The following BNC1 variants were observed in gnomAD, a reference collection of about 807,000 sequenced individuals.
BNC1 encodes basonuclin zinc finger protein 1, also known as zinc finger protein basonuclin-1.
BNC1 carries 8 observed loss-of-function variants against 66.5 expected under a neutral mutation model. The observed-to-expected ratio is 0.12, with a 90% CI of 0.07 to 0.22. The LOEUF (loss-of-function observed/expected upper bound fraction) is 0.22, where lower values mean the gene tolerates loss of function less well. Among genes scored for constraint, BNC1 ranks in the 10% least tolerant of loss-of-function variants. The probability of loss-of-function intolerance (pLI) is 1.00; values close to 1 mark genes in which losing one functional copy is unlikely to be tolerated. For synonymous variants in BNC1, 454 were observed against 452.6 expected (o/e 1.00, Z -0.04); for missense variants, 1,069 against 1,241.3 (o/e 0.86, Z 2.09).
At position 83,257,312 on chromosome 15, in the gene BNC1, A is replaced by T; in HGVS notation, c.*130T>A. 1 of 1,094,826 alleles carries T rather than the reference A, an allele frequency of 9.1e-7. No individual in the cohort carries two copies. The allele number at this position is 1,094,826 out of a possible 1,614,324, so 67.8% of individuals were successfully genotyped here. A position where few individuals can be genotyped will look rare whatever the true frequency, so the allele number is the denominator to read the frequency against. ...TCTTTTGCTCATTGTGCTGTGGAAA[A>T]CTATAAAGTCAAATCAAATACTTTT... On this transcript the variant is annotated 3_prime_UTR_variant, in exon 5 of 5. Coordinates refer to ENST00000345382, the MANE Select transcript of BNC1 (RefSeq NM_001717.4).
chr15:83,265,049 A>C (rs1031670382), intron 3 of BNC1, among the ~76,000 whole-genome samples: 10 of 152,236 alleles, frequency 6.6e-5, no homozygotes, highest in African/African-American at 2.4e-4. Context: ...AAAAGAGACA[A>C]ATAAAACCAT....
At chr15:83,280,096 CTTT>C (rs1567196600) in intron 1 of BNC1, among the ~76,000 whole-genome samples, 1 of 152,068 alleles carries the variant, frequency 6.6e-6, no homozygotes, top group African/African-American at 2.4e-5. Flanking sequence ...AATGTCTGTG[CTTT>C]TTTTCTTAAA....
At position 83,283,863 on chromosome 15, in the gene BNC1, G is replaced by T. The variant is rs149197053; in HGVS notation, c.99+667C>A. Among the ~76,000 whole-genome samples, 1,328 of 152,318 alleles carry T rather than the reference G, an allele frequency of 8.7e-3. 23 individuals carry two copies. Among genetic ancestry groups the T allele is most frequent in the African/African-American group, 0.03 (1,260 of 41,586 alleles). Reference sequence around the variant, plus strand: ...TTCGGACCGGACCTGTCTAAATAGCGACTTTCAGTCGTGGGTTTTTTGTTC... The same window carrying T: ...TTCGGACCGGACCTGTCTAAATAGCTACTTTCAGTCGTGGGTTTTTTGTTC... On this transcript the variant is annotated intron_variant, in intron 1 of 4. Transcript: ENST00000345382.
chr15:83,262,833 G>A (rs1325174300), intron 4 of BNC1, 118 bp downstream of exon 4: 2 of 1,112,508 alleles, frequency 1.8e-6, no homozygotes, highest in East Asian at 2.6e-5. Context: ...TAATGAAGTG[G>A]AAATTCTAGG....
At chr15:83,278,714 T>C (rs988800172) in intron 1 of BNC1, among the ~76,000 whole-genome samples, 4 of 152,100 alleles carry the variant, frequency 2.6e-5, no homozygotes, top group Non-Finnish European at 2.9e-5. Flanking sequence ...TAATGAAAAA[T>C]AGGAGGCCAT....
intron 1 of BNC1, among the ~76,000 whole-genome samples, chr15:83,279,690 A>G (rs980536708): frequency 1.2e-4 from 19 of 152,192 alleles, no homozygotes; most frequent in Non-Finnish European, 1.5e-5. Flanking sequence ...GGTTCATAGG[A>G]TCATTGGCTT....
At chr15:83,277,268 G>A (rs1230732647) in intron 1 of BNC1, among the ~76,000 whole-genome samples, 3 of 152,022 alleles carry the variant, frequency 2.0e-5, no homozygotes, top group Non-Finnish European at 2.9e-5. Flanking sequence ...TTATAGAGAC[G>A]GGGGTCTCAC....
chr15:83,272,372 A>C (rs1352660002), intron 1 of BNC1, among the ~76,000 whole-genome samples: 1 of 148,028 alleles, frequency 6.8e-6, no homozygotes, highest in Non-Finnish European at 1.5e-5. Context: ...TTGGTATTAC[A>C]GGCATGCACC....
intron 2 of BNC1, among the ~76,000 whole-genome samples, chr15:83,267,542 C>G (rs1395303155): frequency 2.0e-5 from 3 of 152,020 alleles, no homozygotes; most frequent in Admixed American, 6.6e-5. Flanking sequence ...AGCCATCAGT[C>G]ACATATGGCT....
rs1056968764 is a variant in BNC1, at chr15:83,284,659, C to A, written c.-31G>T. ...CTCCGGCCGTCGGGGCGCGACCCGG[C>A]GAAGTGGGCGGCTCCCCAAGCGCCC... On this transcript the variant is annotated 5_prime_UTR_variant, in exon 1 of 5. Transcript: ENST00000345382. The A allele has an allele frequency of 5.2e-6, 5 of 957,856 alleles. No individual in the cohort carries two copies. Among genetic ancestry groups the A allele is most frequent in the Non-Finnish European group, 6.2e-6 (5 of 806,032 alleles). The allele number at this position is 957,856 out of a possible 1,614,324, so 59.3% of individuals were successfully genotyped here. A position where few individuals can be genotyped will look rare whatever the true frequency, so the allele number is the denominator to read the frequency against.
In BNC1 at chr15:83,263,321, TGATCAATGCTGGTGTCTGCTC is replaced by T; in HGVS notation, c.1909_1929del (p.Glu637_Ile643del). 2 of 1,614,226 alleles carry T rather than the reference TGATCAATGCTGGTGTCTGCTC, an allele frequency of 1.2e-6. No homozygotes were observed. Among genetic ancestry groups the T allele is most frequent in the Non-Finnish European group, 1.7e-6 (2 of 1,180,036 alleles). Reference sequence around the variant, plus strand: ...CCATCCTCGACCTCCCTTGGCACCATGATCAATGCTGGTGTCTGCTCAGTCTCCCTCTCTGAATTGTGTGTG... The same window carrying T: ...CCATCCTCGACCTCCCTTGGCACCATAGTCTCCCTCTCTGAATTGTGTGTG... On this transcript the variant is annotated inframe_deletion, in exon 4 of 5. Transcript: ENST00000345382.
intron 4 of BNC1, among the ~76,000 whole-genome samples, chr15:83,261,658 G>A (rs1032536626): frequency 6.6e-6 from 1 of 152,220 alleles, no homozygotes; most frequent in Non-Finnish European, 1.5e-5. Context: ...GCACAAGCAA[G>A]ACAGTAACAC....
intron 2 of BNC1, 30 bp from the exon 3 acceptor site, chr15:83,267,101 T>C (rs776754273): frequency 1.2e-5 from 19 of 1,567,778 alleles, no homozygotes; most frequent in Non-Finnish European, 1.6e-5. Context: ...AAATGTCATT[T>C]TGAAAAGTTC....
chr15:83,283,338 G>T, intron 1 of BNC1: 1 of 1,465,452 alleles, frequency 6.8e-7, no homozygotes, highest in Non-Finnish European at 9.0e-7. Context: ...GCGGCGGCGG[G>T]GCTCCGGGTC....
chr15:83,284,581 G>A lies in BNC1; in HGVS notation c.48C>T (p.Ala16=). 2 of 1,051,568 alleles carry A rather than the reference G, an allele frequency of 1.9e-6. No individual in the cohort carries two copies. The highest frequency in any genetic ancestry group is 2.3e-6 in the Non-Finnish European group (2 of 874,932). 65.1% of individuals were successfully genotyped at this position (1,051,568 alleles called of 1,614,324 possible). ...PSRGGRGAAR[A]RETRRQPRHR... The stretch of plus-strand genomic sequence containing the variant: ...GCCGGGGCTGCCGGCGCGTCTCCCG[G>A]GCCCGGGCCGCCCCGCGTCCGCCCC... The change falls in exon 1 of 5, where the codon GCC becomes GCT. Residue 16 remains alanine, a synonymous_variant. Coordinates refer to ENST00000345382, the MANE Select transcript of BNC1 (RefSeq NM_001717.4).
At chr15:83,269,200 G>A (rs571559017) in intron 1 of BNC1, among the ~76,000 whole-genome samples, 3 of 152,258 alleles carry the variant, frequency 2.0e-5, no homozygotes, top group Admixed American at 2.0e-4. Context: ...CTCCAGCCTG[G>A]GCGACAGAGC....
At chr15:83,270,243 CAG>C (rs1397654146) in intron 1 of BNC1, among the ~76,000 whole-genome samples, 32 of 152,316 alleles carry the variant, frequency 2.1e-4, no homozygotes, top group East Asian at 1.2e-3. Context: ...AGCATATTCA[CAG>C]AGTTATGCAA....
At chr15:83,272,153 C>A (rs1357322044) in intron 1 of BNC1, among the ~76,000 whole-genome samples, 1 of 152,164 alleles carries the variant, frequency 6.6e-6, no homozygotes, top group Non-Finnish European at 1.5e-5. Flanking sequence ...ATAAATATGA[C>A]CATTTTACAG....
intron 1 of BNC1, among the ~76,000 whole-genome samples, chr15:83,273,839 T>C (rs2038292604): frequency 6.6e-6 from 1 of 152,168 alleles, no homozygotes; most frequent in Non-Finnish European, 1.5e-5. Context: ...GCTAGGCACA[T>C]AGTTGGGTAT....
Sources: gnomAD v4.1 joint callset for allele counts (sites outside exome capture counted in the v4.1 genomes callset) on GRCh38, gnomAD v4.1.1 for gene constraint, MANE v1.5 for transcripts, NCBI Gene and HGNC (gene_info 2026-07-23, HGNC 2026-07-21) for gene names.